Variants in LAMA1 observed in about 807,000 individuals in gnomAD.
The protein encoded by LAMA1 is laminin subunit alpha 1.
In LAMA1, 219 loss-of-function variants were observed where a neutral mutation model predicts 348.7. The ratio of observed to expected loss-of-function variants is 0.63; its 90% CI spans 0.56 to 0.70. LAMA1 has a LOEUF of 0.70. LAMA1 is among the 30% of genes least tolerant of loss of function. LAMA1 has a pLI of 0.00. For missense variants in LAMA1, 3,744 were observed against 3,888.0 expected (o/e 0.96, Z 0.99); for synonymous variants, 1,487 against 1,491.0 (o/e 1.00, Z 0.06).
chr18:6,968,955 T>C (rs1229273975), intron 48 of LAMA1, among the ~76,000 whole-genome samples: 1 of 152,164 alleles, frequency 6.6e-6, no homozygotes. Context: ...AAATGGATTG[T>C]TACTAGAATT....
At position 7,031,747 on chromosome 18, in the gene LAMA1, G is replaced by A. The variant is rs565587091; in HGVS notation, c.2274+319C>T. Reference sequence around the variant, plus strand: ...TCCTATGCTTTGTATTTAATAAGTAGACAACATTTTTTTACCTTTCTATTG... The same window carrying A: ...TCCTATGCTTTGTATTTAATAAGTAAACAACATTTTTTTACCTTTCTATTG... On this transcript the variant is annotated intron_variant, in intron 16 of 62. Coordinates refer to ENST00000389658, the MANE Select transcript of LAMA1 (RefSeq NM_005559.4). Among the ~76,000 whole-genome samples the A allele has an allele frequency of 2.0e-5, 3 of 149,894 alleles. No homozygotes were observed. In the South Asian group the frequency reaches 6.3e-4, roughly 31 times the overall value.
At chr18:6,946,810 T>C (rs1277029553) in intron 61 of LAMA1, among the ~76,000 whole-genome samples, 1 of 152,126 alleles carries the variant, frequency 6.6e-6, no homozygotes, top group Non-Finnish European at 1.5e-5. Flanking sequence ...TCATTGCAAC[T>C]TCCTATGAAT....
Position 7,034,746 on chromosome 18 carries a change from A to G in LAMA1, c.1840-56T>C, listed in dbSNP as rs7233233. On this transcript the variant is annotated intron_variant, in intron 13 of 62. Coordinates refer to ENST00000389658, the MANE Select transcript of LAMA1 (RefSeq NM_005559.4). ...TGTCATTCAATTTAATGATAAAATA[A>G]AAATAAAATCAAATTTTGTATTCAG... is the stretch of plus-strand genomic sequence containing the variant. 6.9e-4 allele frequency: 1,059 copies of G among 1,527,368 alleles called. 7 individuals carry two copies. In the African/African-American group the frequency reaches 0.013, roughly 19 times the overall value. The allele number at this position is 1,527,368 out of a possible 1,614,324, so 94.6% of individuals were successfully genotyped here. A position where few individuals can be genotyped will look rare whatever the true frequency, so the allele number is the denominator to read the frequency against.
chr18:7,040,732 G>A (rs1303818760), intron 9 of LAMA1, among the ~76,000 whole-genome samples: 1 of 152,170 alleles, frequency 6.6e-6, no homozygotes, highest in Non-Finnish European at 1.5e-5. Context: ...CCCCAAAGTA[G>A]AAACAATTCA....
At chr18:7,036,215 A>G in intron 12 of LAMA1, 127 bp from the exon 13 acceptor site, 3 of 726,906 alleles carry the variant, frequency 4.1e-6, no homozygotes, top group Admixed American at 2.0e-5. Context: ...TGACCATGAC[A>G]GACAAGGAAA....
chr18:6,970,212 C>T (rs2057651816), intron 48 of LAMA1, among the ~76,000 whole-genome samples: 1 of 152,132 alleles, frequency 6.6e-6, no homozygotes, highest in Admixed American at 6.5e-5. Context: ...GTGTCATTAC[C>T]TCACGAGGCA....
intron 3 of LAMA1, among the ~76,000 whole-genome samples, chr18:7,055,118 G>T (rs2058076339): frequency 6.9e-6 from 1 of 145,458 alleles, no homozygotes; most frequent in Non-Finnish European, 1.5e-5. Flanking sequence ...TCAGCTGTGT[G>T]TGTGTGTGTG....
chr18:6,948,047 C>A (rs1271854329), intron 60 of LAMA1, among the ~76,000 whole-genome samples: 1 of 152,198 alleles, frequency 6.6e-6, no homozygotes, highest in Non-Finnish European at 1.5e-5. Context: ...CTCCCTGGCG[C>A]CAGCTGGTCT....
At chr18:6,975,421 G>A (rs1429126076) in intron 45 of LAMA1, among the ~76,000 whole-genome samples, 1 of 152,206 alleles carries the variant, frequency 6.6e-6, no homozygotes, top group East Asian at 1.9e-4. Flanking sequence ...CAGGAGCCAT[G>A]AGGTCCCACC....
chr18:7,061,033 C>T (rs1456742397), intron 3 of LAMA1, among the ~76,000 whole-genome samples: 1 of 152,134 alleles, frequency 6.6e-6, no homozygotes, highest in Non-Finnish European at 1.5e-5. Flanking sequence ...GTGGTGCATG[C>T]CTTTGGTCCC....
rs756984649 is a variant in LAMA1 at position 6,983,084 on chromosome 18, C to T, written c.5796+15G>A. The T allele has an allele frequency of 6.8e-6, 11 of 1,613,826 alleles. No homozygotes were observed. The highest frequency in any genetic ancestry group is 9.3e-6 in the Non-Finnish European group (11 of 1,179,954). The stretch of plus-strand genomic sequence containing the variant: ...TCCCACAGAGCCCAGAAAAAGAAGC[C>T]ACGTCGTTTCCTACCAGGCTCGTCT... On this transcript the variant is annotated intron_variant, in intron 40 of 62. Coordinates refer to ENST00000389658, the MANE Select transcript of LAMA1 (RefSeq NM_005559.4).
chr18:6,957,817 C>T (rs1209302971), intron 55 of LAMA1, among the ~76,000 whole-genome samples: 2 of 151,106 alleles, frequency 1.3e-5, no homozygotes, highest in African/African-American at 4.9e-5. Flanking sequence ...CTCACTCTGT[C>T]GCCCAGGCTG....
rs986844614 is a variant in LAMA1 at position 6,964,536 on chromosome 18, C to T, written c.7337+126G>A. 14 of 1,200,746 alleles carry T rather than the reference C, an allele frequency of 1.2e-5. No individual in the cohort carries two copies. In the African/African-American group the frequency reaches 2.1e-4, roughly 18 times the overall value. The allele number at this position is 1,200,746 out of a possible 1,614,324, so 74.4% of individuals were successfully genotyped here. ...CACCTTGCTTTTGGACTTGCAGCCT[C>T]TAGAACTGGGAAAGAATAAATTAGT... On this transcript the variant is annotated intron_variant, in intron 51 of 62. Coordinates refer to ENST00000389658, the MANE Select transcript of LAMA1 (RefSeq NM_005559.4).
At chr18:7,074,692 T>C (rs951062492) in intron 3 of LAMA1, among the ~76,000 whole-genome samples, 5 of 152,126 alleles carry the variant, frequency 3.3e-5, no homozygotes, top group African/African-American at 1.2e-4. Context: ...ATCACACACA[T>C]GAAATTCCTA....
intron 1 of LAMA1, among the ~76,000 whole-genome samples, chr18:7,114,295 T>C (rs1272587715): frequency 3.3e-5 from 5 of 152,190 alleles, no homozygotes; most frequent in Non-Finnish European, 7.3e-5. Flanking sequence ...TATTTAATAG[T>C]ATCAATGCTA....
chr18:6,969,352 G>C (rs2057648045), intron 48 of LAMA1, among the ~76,000 whole-genome samples: 1 of 152,098 alleles, frequency 6.6e-6, no homozygotes, highest in African/African-American at 2.4e-5. Flanking sequence ...TTTCAGAAAG[G>C]GTTCAAGCTC....
chr18:7,012,133 A>T lies in LAMA1; in HGVS notation c.3369T>A (p.Asn1123Lys). The T allele has an allele frequency of 6.2e-7, 1 of 1,613,932 alleles. No homozygotes were observed. The highest frequency in any genetic ancestry group is 8.5e-7 in the Non-Finnish European group (1 of 1,179,918). The change falls in exon 24 of 63, where the codon AAT becomes AAA. Residue 1123 changes from asparagine (N) to lysine (K), a missense_variant. Transcript: ENST00000389658. ...ATTCGTTGCACTGAGGACCAAAGAC[A>T]TTTTCCTACAGGGGAGCAAATAAAG... ...EETGACPCKE[N>K]VFGPQCNECR...
In LAMA1 at chr18:6,942,230, T is replaced by C. The variant is rs749490867; in HGVS notation, c.9077A>G (p.Lys3026Arg). The change falls in exon 63 of 63, where the codon AAG becomes AGG. Residue 3026 changes from lysine (K) to arginine (R), a missense_variant. Transcript: ENST00000389658. Reference sequence around the variant, plus strand: ...GGTCTGGCTGCGCAGGCATTTTTGCTTCACACCAGCTGTTCAGGAAAGAAG... The same window carrying C: ...GGTCTGGCTGCGCAGGCATTTTTGCCTCACACCAGCTGTTCAGGAAAGAAG... ...IYVGGYPAGV[K>R]QKCLRSQTSF... The C allele has an allele frequency of 1.9e-6, 3 of 1,614,090 alleles. No individual in the cohort carries two copies. In the Admixed American group the frequency reaches 5.0e-5, roughly 27 times the overall value.
At chr18:7,090,347 A>C (rs1328201099) in intron 1 of LAMA1, among the ~76,000 whole-genome samples, 2 of 152,210 alleles carry the variant, frequency 1.3e-5, no homozygotes, top group Non-Finnish European at 2.9e-5. Flanking sequence ...GGAACTATTT[A>C]AAATAACCAG....
Sources: gnomAD v4.1 joint callset for allele counts (sites outside exome capture counted in the v4.1 genomes callset) on GRCh38, gnomAD v4.1.1 for gene constraint, MANE v1.5 for transcripts, NCBI Gene and HGNC (gene_info 2026-07-23, HGNC 2026-07-21) for gene names.